Variants in CLDN10 observed in about 807,000 individuals in gnomAD.
CLDN10 encodes the protein claudin 10, also known as claudin-10.
Under a neutral mutation model 22.9 loss-of-function variants are expected in CLDN10, and 15 were observed. That is an observed-to-expected ratio of 0.65 (90% CI 0.44 to 1.01). CLDN10 has a LOEUF of 1.01. CLDN10 is among the 50% of genes least tolerant of loss of function. The pLI is 0.00. For synonymous variants in CLDN10, 114 were observed against 111.4 expected, an observed-to-expected ratio of 1.02 and a Z score of -0.15; for missense variants, 247 against 287.8, an observed-to-expected ratio of 0.86 and a Z score of 1.03.
intron 1 of CLDN10, among the ~76,000 whole-genome samples, chr13:95,478,262 C>T (rs1238782799): frequency 2.0e-5 from 3 of 152,140 alleles, no homozygotes; most frequent in Non-Finnish European, 2.9e-5. Flanking sequence ...GAGCCAAGAT[C>T]GCACCACTGC....
chr13:95,547,862 C>T (rs183903386), upstream of CLDN10, among the ~76,000 whole-genome samples: 48 of 152,236 alleles, frequency 3.2e-4, no homozygotes, highest in East Asian at 3.5e-3. Flanking sequence ...TCTATACAGA[C>T]GCCACCTTTA....
At chr13:95,456,897 A>C (rs1463809536) in intron 1 of CLDN10, among the ~76,000 whole-genome samples, 3 of 152,228 alleles carry the variant, frequency 2.0e-5, no homozygotes, top group Non-Finnish European at 4.4e-5. Context: ...GGGAGATTTA[A>C]ATTTGCAGGC....
chr13:95,457,093 A>G (rs1248588293), intron 1 of CLDN10, among the ~76,000 whole-genome samples: 1 of 152,152 alleles, frequency 6.6e-6, no homozygotes, highest in Non-Finnish European at 1.5e-5. Context: ...TGTTCCTGTG[A>G]TCCAGAAGCA....
chr13:95,526,034 C>A (rs1329093270), intron 1 of CLDN10, among the ~76,000 whole-genome samples: 2 of 152,146 alleles, frequency 1.3e-5, no homozygotes, highest in Admixed American at 1.3e-4. Flanking sequence ...TGTTTTCGCA[C>A]TTCTCTCTGG....
At chr13:95,567,250 T>G (rs1377496879) in intron 3 of CLDN10, among the ~76,000 whole-genome samples, 1 of 152,148 alleles carries the variant, frequency 6.6e-6, no homozygotes, top group Non-Finnish European at 1.5e-5. Flanking sequence ...TTCCTATCCA[T>G]GAGCATGGAG....
chr13:95,509,934 G>A (rs1179903566), intron 1 of CLDN10, among the ~76,000 whole-genome samples: 8 of 152,200 alleles, frequency 5.3e-5, no homozygotes, highest in Non-Finnish European at 4.4e-5. Flanking sequence ...CATTTAAAAG[G>A]TGGTGGGTAG....
chr13:95,443,875 A>G (rs552439216), intron 1 of CLDN10, among the ~76,000 whole-genome samples: 1 of 152,318 alleles, frequency 6.6e-6, no homozygotes, highest in Non-Finnish European at 1.5e-5. Flanking sequence ...CCCCCAAGTC[A>G]GCAAGGCCCC....
intron 3 of CLDN10, among the ~76,000 whole-genome samples, chr13:95,569,549 A>C (rs779933700): frequency 6.6e-6 from 1 of 152,084 alleles, no homozygotes; most frequent in Non-Finnish European, 1.5e-5. Context: ...GCACCACTGC[A>C]CTCCAGCCTG....
intron 1 of CLDN10, among the ~76,000 whole-genome samples, chr13:95,438,078 G>C (rs1179692802): frequency 1.3e-5 from 2 of 152,128 alleles, no homozygotes; most frequent in Non-Finnish European, 2.9e-5. Context: ...TTTTAAGACA[G>C]GGTCTCACTC....
At chr13:95,483,194 AC>A (rs34224173) in intron 1 of CLDN10, among the ~76,000 whole-genome samples, 10,067 of 152,222 alleles carry the variant, frequency 0.066, 420 homozygotes, top group Non-Finnish European at 0.087. Flanking sequence ...TGGAGGATTC[AC>A]CTGACTACTT....
chr13:95,504,988 C>T (rs1006077586), intron 1 of CLDN10, among the ~76,000 whole-genome samples: 6 of 152,328 alleles, frequency 3.9e-5, no homozygotes, highest in African/African-American at 1.4e-4. Flanking sequence ...CCCTGCTCTT[C>T]CCCCAACTCA....
chr13:95,579,313 C>T lies in CLDN10; in HGVS notation c.*1299C>T, dbSNP rs2043982462. Reference sequence around the variant, plus strand: ...TGCTCCAGGGATTTCTGAAAAAAGACACAGGCTTCTTCCTAGAGCCAGCCC... The same window carrying T: ...TGCTCCAGGGATTTCTGAAAAAAGATACAGGCTTCTTCCTAGAGCCAGCCC... On this transcript the variant is annotated 3_prime_UTR_variant, in exon 5 of 5. Transcript: ENST00000299339. The T allele has an allele frequency of 1.3e-5, 2 of 152,184 alleles. No individual in the cohort carries two copies. The highest frequency in any genetic ancestry group is 4.8e-5 in the African/African-American group (2 of 41,442). The allele number at this position is 152,184 out of a possible 1,614,324, so 9.4% of individuals were successfully genotyped here. A position where few individuals can be genotyped will look rare whatever the true frequency, so the allele number is the denominator to read the frequency against.
At chr13:95,570,100 G>T (rs1170735521) in intron 3 of CLDN10, among the ~76,000 whole-genome samples, 1 of 152,136 alleles carries the variant, frequency 6.6e-6, no homozygotes, top group Non-Finnish European at 1.5e-5. Context: ...TCCACACACG[G>T]ATTCTTGACC....
intron 1 of CLDN10, among the ~76,000 whole-genome samples, chr13:95,534,845 T>C (rs1207603425): frequency 2.0e-5 from 3 of 152,086 alleles, no homozygotes; most frequent in Non-Finnish European, 2.9e-5. Context: ...GGTTATAATA[T>C]AACAACAACA....
Position 95,559,720 on chromosome 13 carries a change from T to A in CLDN10, c.221-412T>A, listed in dbSNP as rs1431328819. ...AATGAGCGGAGGAGCTACAGAGTTG[T>A]GATGGTGGCAGATGATGTTTTTTCA... is the stretch of plus-strand genomic sequence containing the variant. On this transcript the variant is annotated intron_variant, in intron 1 of 4. Coordinates refer to ENST00000299339, the MANE Select transcript of CLDN10 (RefSeq NM_006984.5). Among the ~76,000 whole-genome samples, 3 of 152,168 alleles carry A rather than the reference T, an allele frequency of 2.0e-5. No homozygotes were observed. The East Asian group carries it at 5.8e-4, about 29-fold the overall frequency.
At chr13:95,481,796 G>A (rs2042749672) in intron 1 of CLDN10, among the ~76,000 whole-genome samples, 1 of 152,174 alleles carries the variant, frequency 6.6e-6, no homozygotes, top group African/African-American at 2.4e-5. Flanking sequence ...GAAGTGAGTG[G>A]ATCACCTGAG....
At chr13:95,574,803 T>A (rs1420313401) in intron 3 of CLDN10, among the ~76,000 whole-genome samples, 1 of 152,078 alleles carries the variant, frequency 6.6e-6, no homozygotes, top group Non-Finnish European at 1.5e-5. Context: ...AAGGATATAT[T>A]TAAAAAGATA....
In CLDN10 at chr13:95,457,672, C is replaced by T. The variant is rs552463862; in HGVS notation, c.214+23625C>T. On this transcript the variant is annotated intron_variant, in intron 1 of 4. Transcript: ENST00000376873. ...ACCCTCAGTTTCGCTGGGGATGCCACTAGCCTGGCATATGAATGGTTTTCA... is the reference window on the plus strand; with the variant it reads ...ACCCTCAGTTTCGCTGGGGATGCCATTAGCCTGGCATATGAATGGTTTTCA... Among the ~76,000 whole-genome samples the T allele has an allele frequency of 3.3e-5, 5 of 152,196 alleles. 1 individual carries two copies. The highest frequency in any genetic ancestry group is 1.2e-4 in the African/African-American group (5 of 41,522).
chr13:95,577,782 TAAGA>T lies in CLDN10; in HGVS notation c.573-113_573-110del, dbSNP rs1258911539. 3 of 617,370 alleles carry T rather than the reference TAAGA, an allele frequency of 4.9e-6. No individual in the cohort carries two copies. In the East Asian group the frequency reaches 8.5e-5, roughly 17 times the overall value. 38.2% of individuals were successfully genotyped at this position (617,370 alleles called of 1,614,324 possible). On this transcript the variant is annotated intron_variant, in intron 4 of 4. Coordinates refer to ENST00000299339, the MANE Select transcript of CLDN10 (RefSeq NM_006984.5). ...GGCAAGAGGAGAGAAGAAAGCTATC[TAAGA>T]AAGAGGAAGATTTACATTTAGATAT... is the stretch of plus-strand genomic sequence containing the variant.
Sources: allele counts gnomAD v4.1 joint callset (sites outside exome capture counted in the v4.1 genomes callset), GRCh38; gene constraint gnomAD v4.1.1; transcripts MANE v1.5; gene names NCBI Gene and HGNC (gene_info 2026-07-23, HGNC 2026-07-21).